RIMS1: variants seen among roughly 807,000 people sequenced by gnomAD.
RIMS1 encodes the protein regulating synaptic membrane exocytosis 1.
A neutral mutation model predicts 214.1 loss-of-function variants in RIMS1; 83 were observed. The ratio of observed to expected loss-of-function variants is 0.39; its 90% confidence interval spans 0.32 to 0.47. The LOEUF is 0.47. Ranked by LOEUF, RIMS1 falls within the 20% of genes least tolerant of loss-of-function variation. RIMS1 has a pLI of 0.99. For missense variants in RIMS1, 2,050 were observed against 2,161.8 expected (o/e 0.95, Z 1.03); for synonymous variants, 793 against 786.8 (o/e 1.01, Z -0.13).
chr6:72,315,373 C>T (rs1250322786), intron 28 of RIMS1, among the ~76,000 whole-genome samples: 1 of 152,094 alleles, frequency 6.6e-6, no homozygotes. Flanking sequence ...TTTCAGCTTC[C>T]TTTCCCTTCT....
intron 1 of RIMS1, among the ~76,000 whole-genome samples, chr6:71,947,447 T>A (rs776675286): frequency 1.3e-5 from 2 of 152,070 alleles, no homozygotes; most frequent in Non-Finnish European, 2.9e-5. Flanking sequence ...ATAAGCCAGG[T>A]ACAAAAAGAC....
rs1231093378 is a variant in RIMS1 at position 72,147,091 on chromosome 6, CAT to C, written c.472-32483_472-32482del. On this transcript the variant is annotated intron_variant, in intron 4 of 33. Coordinates refer to ENST00000521978, the MANE Select transcript of RIMS1 (RefSeq NM_014989.7). Reference sequence around the variant, plus strand: ...TATCTGACCTGTATAATTTAGACCACATGTCTACATTTTGAAGACATTTTTAC... The same window carrying C: ...TATCTGACCTGTATAATTTAGACCACGTCTACATTTTGAAGACATTTTTAC... Among the ~76,000 whole-genome samples, 6 of 152,206 alleles carry C rather than the reference CAT, an allele frequency of 3.9e-5. No individual in the cohort carries two copies. In the East Asian group the frequency reaches 7.7e-4, roughly 19 times the overall value.
intron 6 of RIMS1, among the ~76,000 whole-genome samples, chr6:72,221,940 A>G (rs1405367431): frequency 2.0e-5 from 3 of 152,010 alleles, no homozygotes; most frequent in Non-Finnish European, 4.4e-5. Flanking sequence ...AAGATTGGTG[A>G]TATTATTAGG....
intron 32 of RIMS1, among the ~76,000 whole-genome samples, chr6:72,398,628 TAGAA>T (rs3215565): frequency 0.17 from 25,699 of 151,992 alleles, 2,639 homozygotes; most frequent in Non-Finnish European, 0.23. Flanking sequence ...TTTGCACACT[TAGAA>T]AGGCAAAAGA....
chr6:71,887,223 T>A (rs1264900444), intron 1 of RIMS1, 36 bp downstream of exon 1: 1 of 1,582,490 alleles, frequency 6.3e-7, no homozygotes, highest in East Asian at 2.3e-5. Context: ...CATGCCTCCG[T>A]GCCTCCATCC....
intron 30 of RIMS1, among the ~76,000 whole-genome samples, 178 bp from the exon 31 acceptor site, chr6:72,392,520 G>A (rs1388267808): frequency 6.6e-6 from 1 of 152,072 alleles, no homozygotes; most frequent in African/African-American, 2.4e-5. Context: ...CCTTTCCTCA[G>A]TCAATGTTAA....
chr6:72,336,331 T>C (rs2096843201), intron 29 of RIMS1, among the ~76,000 whole-genome samples: 1 of 151,826 alleles, frequency 6.6e-6, no homozygotes, highest in Admixed American at 6.6e-5. Flanking sequence ...TAATAAGTAA[T>C]GGGTTCAAAT....
At chr6:71,938,381 T>G (rs1785070507) in intron 1 of RIMS1, among the ~76,000 whole-genome samples, 1 of 152,242 alleles carries the variant, frequency 6.6e-6, no homozygotes, top group Admixed American at 6.5e-5. Context: ...CACTTGGCAT[T>G]GCCCTAGTAG....
Position 72,297,207 on chromosome 6 carries a change from T to A in RIMS1, c.3850+5161T>A, listed in dbSNP as rs557922373. On this transcript the variant is annotated intron_variant, in intron 26 of 33. Transcript: ENST00000521978. Reference sequence around the variant, plus strand: ...ATCAAGATGTTTTGGCCATAGATTTTGCATAGATTTCTAGCCATCTTGCTG... The same window carrying A: ...ATCAAGATGTTTTGGCCATAGATTTAGCATAGATTTCTAGCCATCTTGCTG... 1.9e-3 allele frequency among the ~76,000 whole-genome samples: 282 copies of A among 152,154 alleles called. 2 individuals are homozygous for A. The highest frequency in any genetic ancestry group is 6.7e-3 in the African/African-American group (277 of 41,546).
rs2154153609 is a variant in RIMS1 at position 72,258,176 on chromosome 6, C to T, written c.2822C>T (p.Pro941Leu). ...RESKSTTLTV[P>L]EQQRTTHHRS... ...AGTAAATCTACAACATTAACTGTGCCAGAACAGCAAAGAACAACTCATCAC... is the reference window on the plus strand; with the variant it reads ...AGTAAATCTACAACATTAACTGTGCTAGAACAGCAAAGAACAACTCATCAC... Residue 941 changes from proline (P) to leucine (L), a missense_variant, in exon 17 of 34, where the codon CCA becomes CTA. Transcript: ENST00000521978. The T allele has an allele frequency of 6.2e-7, 1 of 1,613,168 alleles. No homozygotes were observed. Among genetic ancestry groups the T allele is most frequent in the Non-Finnish European group, 8.5e-7 (1 of 1,179,476 alleles).
At chr6:72,009,874 A>G (rs1455275158) in intron 2 of RIMS1, among the ~76,000 whole-genome samples, 1 of 152,230 alleles carries the variant, frequency 6.6e-6, no homozygotes. Context: ...AGACAGATTC[A>G]CAGCCGAATT....
chr6:71,991,713 T>C (rs1468173365), intron 2 of RIMS1, among the ~76,000 whole-genome samples: 2 of 152,220 alleles, frequency 1.3e-5, no homozygotes, highest in Admixed American at 6.5e-5. Flanking sequence ...GAAGTACAAA[T>C]GTATTGTTAT....
chr6:72,386,546 C>T (rs2098604507), intron 29 of RIMS1, among the ~76,000 whole-genome samples: 1 of 152,122 alleles, frequency 6.6e-6, no homozygotes. Context: ...AGGACTGATC[C>T]CCGCAGTGTA....
chr6:72,274,396 G>A lies in RIMS1; in HGVS notation c.3446G>A (p.Arg1149Lys). ...GATAGGAGACGACCTCCTAGTCCCA[G>A]GATTCAAATCCAGCATGCGTCTCCG... ...SLDRRRPPSP[R>K]IQIQHASPEN... Residue 1149 changes from arginine to lysine, a missense_variant, in exon 23 of 34, where the codon AGG (arginine) becomes AAG (lysine). Transcript: ENST00000521978. 6.2e-7 allele frequency: 1 copy of A among 1,613,304 alleles called. No homozygotes were observed. The highest frequency in any genetic ancestry group is 8.5e-7 in the Non-Finnish European group (1 of 1,179,456).
At chr6:72,113,053 G>A (rs769139718) in intron 4 of RIMS1, among the ~76,000 whole-genome samples, 39 of 152,080 alleles carry the variant, frequency 2.6e-4, no homozygotes, top group Admixed American at 5.9e-4. Context: ...GCTGTACCTG[G>A]TATGCTATAT....
At chr6:71,918,521 G>A (rs1462319200) in intron 1 of RIMS1, among the ~76,000 whole-genome samples, 1 of 152,174 alleles carries the variant, frequency 6.6e-6, no homozygotes, top group Non-Finnish European at 1.5e-5. Context: ...TGCAAAGATG[G>A]ACAATCCTTT....
chr6:72,014,666 G>A (rs1427389818), intron 2 of RIMS1, among the ~76,000 whole-genome samples: 2 of 152,180 alleles, frequency 1.3e-5, no homozygotes, highest in Non-Finnish European at 2.9e-5. Context: ...TTGTGGAACT[G>A]AAAAGCCGTT....
At chr6:71,930,608 C>G (rs1262383471) in intron 1 of RIMS1, among the ~76,000 whole-genome samples, 2 of 152,020 alleles carry the variant, frequency 1.3e-5, no homozygotes, top group East Asian at 3.9e-4. Context: ...TTTTCTTCTG[C>G]TCTTCTGTAT....
intron 4 of RIMS1, among the ~76,000 whole-genome samples, chr6:72,117,516 C>G (rs2037326938): frequency 6.6e-6 from 1 of 151,672 alleles, no homozygotes; most frequent in Non-Finnish European, 1.5e-5. Context: ...GTAACATTCT[C>G]CAAGATAGAC....
Sources: gnomAD v4.1 joint callset for allele counts (sites outside exome capture counted in the v4.1 genomes callset) on GRCh38, gnomAD v4.1.1 for gene constraint, MANE v1.5 for transcripts, NCBI Gene and HGNC (gene_info 2026-07-23, HGNC 2026-07-21) for gene names.